The following SGCZ variants were observed in gnomAD, a reference collection of about 807,000 sequenced individuals.
SGCZ encodes the protein zeta-sarcoglycan.
A neutral mutation model predicts 41.3 loss-of-function variants in SGCZ; 40 were observed. The observed-to-expected ratio is 0.97, with a 90% CI of 0.75 to 1.26. SGCZ has a LOEUF of 1.26. Ranked by LOEUF, SGCZ falls within the 50% of genes most tolerant of loss-of-function variation. The pLI, the probability that SGCZ is intolerant of heterozygous loss-of-function variation, is 0.00. For missense variants in SGCZ, 552 were observed against 369.8 expected (o/e 1.49, Z -4.04); for synonymous variants, 206 against 137.5 (o/e 1.50, Z -3.49).
At chr8:14,661,731 G>C (rs567659754) in intron 1 of SGCZ, among the ~76,000 whole-genome samples, 14 of 152,110 alleles carry the variant, frequency 9.2e-5, no homozygotes, top group African/African-American at 3.4e-4. Context: ...GGAGAGTAGA[G>C]TAACACATGA....
intron 1 of SGCZ, among the ~76,000 whole-genome samples, chr8:14,758,458 A>G (rs1450704945): frequency 6.6e-6 from 1 of 152,252 alleles, no homozygotes; most frequent in East Asian, 1.9e-4. Context: ...GCATAAGACA[A>G]TTACTGTTAG....
chr8:15,058,003 A>C (rs956449353), intron 1 of SGCZ, among the ~76,000 whole-genome samples: 3 of 152,186 alleles, frequency 2.0e-5, no homozygotes, highest in African/African-American at 4.8e-5. Flanking sequence ...AATACAAGTC[A>C]ACAACACAGA....
Position 14,788,430 on chromosome 8 carries a change from A to G in SGCZ, c.40-233504T>C, listed in dbSNP as rs574414527. ...CCTCAGAAATGTCTGTGGAAATCAAATGACACAAAAAGTGGAAGATACTTT... is the reference window on the plus strand; with the variant it reads ...CCTCAGAAATGTCTGTGGAAATCAAGTGACACAAAAAGTGGAAGATACTTT... On this transcript the variant is annotated intron_variant, in intron 1 of 7. Coordinates refer to ENST00000382080, the MANE Select transcript of SGCZ (RefSeq NM_139167.4). Among the ~76,000 whole-genome samples, 26 of 152,312 alleles carry G rather than the reference A, an allele frequency of 1.7e-4. No individual in the cohort carries two copies. The South Asian group carries it at 5.2e-3, about 30-fold the overall frequency.
chr8:14,542,949 A>G (rs947184784), intron 2 of SGCZ, among the ~76,000 whole-genome samples: 4 of 152,032 alleles, frequency 2.6e-5, no homozygotes, highest in Admixed American at 2.0e-4. Context: ...AGGGCCTTAA[A>G]AACTTCTTCA....
chr8:14,218,961 G>T (rs1402556905), intron 4 of SGCZ, among the ~76,000 whole-genome samples: 4 of 152,214 alleles, frequency 2.6e-5, no homozygotes, highest in African/African-American at 9.6e-5. Flanking sequence ...AATTGCCAAA[G>T]AACTCAACGT....
At chr8:14,450,045 G>C (rs554617693) in intron 2 of SGCZ, among the ~76,000 whole-genome samples, 1 of 152,230 alleles carries the variant, frequency 6.6e-6, no homozygotes, top group Admixed American at 6.5e-5. Flanking sequence ...AAAAAACTGT[G>C]AAAGTGAAAA....
intron 4 of SGCZ, among the ~76,000 whole-genome samples, chr8:14,172,067 T>A (rs1293588410): frequency 3.3e-5 from 5 of 152,136 alleles, no homozygotes; most frequent in African/African-American, 1.2e-4. Flanking sequence ...CAAAGAAGTA[T>A]CACAGAAAGT....
chr8:14,958,940 A>C (rs113361929), intron 1 of SGCZ, among the ~76,000 whole-genome samples: 85 of 152,186 alleles, frequency 5.6e-4, no homozygotes, highest in South Asian at 1.4e-3. Flanking sequence ...ATTCTCTAAA[A>C]CTCTTTTAAT....
chr8:14,811,518 CTTTTTTTTTTT>C (rs71209087), intron 1 of SGCZ, among the ~76,000 whole-genome samples: 9 of 49,744 alleles, frequency 1.8e-4, no homozygotes, highest in Admixed American at 1.1e-3. Flanking sequence ...GACACTGCAT[CTTTTTTTTTTT>C]TTTTTTTTTT....
At chr8:14,524,064 C>A (rs181926081) in intron 2 of SGCZ, among the ~76,000 whole-genome samples, 11 of 152,156 alleles carry the variant, frequency 7.2e-5, no homozygotes, top group Non-Finnish European at 1.5e-4. Flanking sequence ...GGTAAAACTA[C>A]ACATGTAAAG....
intron 1 of SGCZ, among the ~76,000 whole-genome samples, chr8:15,119,286 C>T (rs1435802351): frequency 1.3e-5 from 2 of 152,044 alleles, no homozygotes; most frequent in Non-Finnish European, 2.9e-5. Context: ...ATCCCAGCAC[C>T]TTGGGAGGCC....
At chr8:14,575,332 G>A (rs1804674619) in intron 1 of SGCZ, among the ~76,000 whole-genome samples, 1 of 152,138 alleles carries the variant, frequency 6.6e-6, no homozygotes. Flanking sequence ...CAAGTGATGG[G>A]AAAATACAAG....
chr8:15,072,285 G>T (rs1321126353), intron 1 of SGCZ, among the ~76,000 whole-genome samples: 1 of 151,990 alleles, frequency 6.6e-6, no homozygotes, highest in East Asian at 1.9e-4. Context: ...TCTTGTCAAG[G>T]TGGACGTAAG....
rs1802948904 is a variant in SGCZ at position 14,347,958 on chromosome 8, C to G, written c.235-23754G>C. Among the ~76,000 whole-genome samples, 3 of 152,060 alleles carry G rather than the reference C, an allele frequency of 2.0e-5. No individual in the cohort carries two copies. In the South Asian group the frequency reaches 6.2e-4, roughly 31 times the overall value. ...TAGCATTAAAATGTACTTTGCAACTCCCTCTTTCTCTTCCTTTCCCACCAG... is the reference window on the plus strand; with the variant it reads ...TAGCATTAAAATGTACTTTGCAACTGCCTCTTTCTCTTCCTTTCCCACCAG... On this transcript the variant is annotated intron_variant, in intron 2 of 7. Transcript: ENST00000382080.
intron 1 of SGCZ, among the ~76,000 whole-genome samples, chr8:14,785,857 C>T (rs1387296252): frequency 6.6e-6 from 1 of 151,824 alleles, no homozygotes; most frequent in Non-Finnish European, 1.5e-5. Flanking sequence ...TTCTTACTTT[C>T]TCCCAAGGCT....
intron 2 of SGCZ, among the ~76,000 whole-genome samples, chr8:14,505,591 T>A (rs191417982): frequency 6.6e-6 from 1 of 152,304 alleles, no homozygotes; most frequent in African/African-American, 2.4e-5. Flanking sequence ...CTCATCTTCC[T>A]AGTTTTTATG....
intron 1 of SGCZ, among the ~76,000 whole-genome samples, chr8:14,817,870 G>A (rs931299123): frequency 1.3e-5 from 2 of 152,148 alleles, no homozygotes; most frequent in African/African-American, 4.8e-5. Context: ...GATCATTGCA[G>A]AGCCACCTGA....
chr8:14,855,497 T>C (rs1447362746), intron 1 of SGCZ, among the ~76,000 whole-genome samples: 2 of 152,204 alleles, frequency 1.3e-5, no homozygotes, highest in South Asian at 2.1e-4. Context: ...GGATAGATTA[T>C]AGTCATGGGG....
intron 1 of SGCZ, among the ~76,000 whole-genome samples, chr8:14,756,512 C>T (rs909142163): frequency 7.9e-5 from 12 of 152,068 alleles, no homozygotes; most frequent in African/African-American, 2.7e-4. Context: ...TTTCTTGTTC[C>T]CTTTTCCCAC....
Sources: gnomAD v4.1 joint callset for allele counts (sites outside exome capture counted in the v4.1 genomes callset) on GRCh38, gnomAD v4.1.1 for gene constraint, MANE v1.5 for transcripts, NCBI Gene and HGNC (gene_info 2026-07-23, HGNC 2026-07-21) for gene names.